The following PLAGL1 variants were observed in gnomAD, a reference collection of about 807,000 sequenced individuals.
PLAGL1 encodes the protein PLAG1 like zinc finger 1.
Under a neutral mutation model 4.6 loss-of-function variants are expected in PLAGL1, and 1 was observed. The observed-to-expected ratio is 0.22, with a 90% CI of 0.08 to 1.03. PLAGL1 has a LOEUF of 1.03. Among genes scored for constraint, PLAGL1 ranks in the 50% least tolerant of loss-of-function variants. PLAGL1 has a pLI of 0.58. For missense variants in PLAGL1, 464 were observed against 570.4 expected (o/e 0.81, Z 1.90); for synonymous variants, 240 against 237.8 (o/e 1.01, Z -0.08).
rs1466545016 is a variant in PLAGL1, at chr6:144,005,026, T to C, written c.-584+3064A>G. 1 of 150,458 alleles carries C rather than the reference T, an allele frequency of 6.6e-6. No individual in the cohort carries two copies. 9.3% of individuals were successfully genotyped at this position (150,458 alleles called of 1,614,324 possible). On this transcript the variant is annotated intron_variant, in intron 1 of 7. Coordinates refer to ENST00000674357, the MANE Select transcript of PLAGL1 (RefSeq NM_001317162.2). The surrounding 1 kb of genome is among the most constrained non-coding windows in gnomAD (Gnocchi z 4.6). Reference sequence around the variant, plus strand: ...ATATAATCTATATATAAAGTGTATGTGTATATATTATATATATACACACAC... The same window carrying C: ...ATATAATCTATATATAAAGTGTATGCGTATATATTATATATATACACACAC...
At position 143,959,726 on chromosome 6, in the gene PLAGL1, C is replaced by A. The variant is rs1339392412; in HGVS notation, c.-325+743G>T. ...CAGAGGATTTAAGTTTACTGCCCAT[C>A]AGCATGGACTAATGACATACTGCAA... On this transcript the variant is annotated intron_variant, in intron 6 of 7. Transcript: ENST00000674357. The surrounding 1 kb of genome is among the most constrained non-coding windows in gnomAD (Gnocchi z 5.3). Among the ~76,000 whole-genome samples, 1 of 152,218 alleles carries A rather than the reference C, an allele frequency of 6.6e-6. No homozygotes were observed. The highest frequency in any genetic ancestry group is 2.4e-5 in the African/African-American group (1 of 41,456).
In PLAGL1 at chr6:143,989,631, A is replaced by C. The variant is rs1322696494; in HGVS notation, c.-583-4457T>G. On this transcript the variant is annotated intron_variant, in intron 1 of 7. Coordinates refer to ENST00000674357, the MANE Select transcript of PLAGL1 (RefSeq NM_001317162.2). This position sits in a 1 kb window ranked among gnomAD's most constrained non-coding sequence, Gnocchi z 4.8. Reference sequence around the variant, plus strand: ...TTTCCCGAGTCTCCAGCTTGCAGACAGTTGACTGTGGGATTTCTCAGCCTT... The same window carrying C: ...TTTCCCGAGTCTCCAGCTTGCAGACCGTTGACTGTGGGATTTCTCAGCCTT... Among the ~76,000 whole-genome samples, 2 of 152,212 alleles carry C rather than the reference A, an allele frequency of 1.3e-5. No homozygotes were observed. The highest frequency in any genetic ancestry group is 2.9e-5 in the Non-Finnish European group (2 of 68,038).
chr6:144,029,244 G>A (rs893997896), intron 1 of PLAGL1, among the ~76,000 whole-genome samples: 1 of 152,054 alleles, frequency 6.6e-6, no homozygotes. Context: ...TGGTAAGGAA[G>A]GCATTTCCAA....
At chr6:144,028,620 C>T (rs938409248) in intron 1 of PLAGL1, among the ~76,000 whole-genome samples, 4 of 152,134 alleles carry the variant, frequency 2.6e-5, no homozygotes, top group African/African-American at 9.7e-5. Context: ...GAGTACATTC[C>T]CTGCAATCCT....
rs1791415258 is a variant in PLAGL1 at position 143,995,419 on chromosome 6, G to A, written c.-583-10245C>T. Among the ~76,000 whole-genome samples, 1 of 152,098 alleles carries A rather than the reference G, an allele frequency of 6.6e-6. No individual in the cohort carries two copies. Among genetic ancestry groups the A allele is most frequent in the African/African-American group, 2.4e-5 (1 of 41,416 alleles). ...GCTTTGCTTTGGAAAGGGGATAAAT[G>A]TTAAACTAATTTGAGGAATAAGTTA... On this transcript the variant is annotated intron_variant, in intron 1 of 7. Coordinates refer to ENST00000674357, the MANE Select transcript of PLAGL1 (RefSeq NM_001317162.2). The surrounding 1 kb of genome is among the most constrained non-coding windows in gnomAD (Gnocchi z 4.4).
At chr6:143,999,286 A>G (rs1336730289) in intron 1 of PLAGL1, among the ~76,000 whole-genome samples, 1 of 152,132 alleles carries the variant, frequency 6.6e-6, no homozygotes. Context: ...ATCCTAATTG[A>G]CCCCTAAGTT....
upstream of PLAGL1, among the ~76,000 whole-genome samples, chr6:144,010,734 ATGGTACTG>A (rs1261998896): frequency 1.3e-5 from 2 of 152,228 alleles, no homozygotes; most frequent in Non-Finnish European, 2.9e-5. The surrounding 1 kb of genome is among the most constrained non-coding windows in gnomAD (Gnocchi z 4.1). Flanking sequence ...CCAAAACTGC[ATGGTACTG>A]GTACCAAAAC....
intron 1 of PLAGL1, among the ~76,000 whole-genome samples, chr6:144,060,982 C>T (rs1799347066): frequency 6.6e-6 from 1 of 152,218 alleles, no homozygotes; most frequent in South Asian, 2.1e-4. Flanking sequence ...CCATATATGA[C>T]TTCCTTATAG....
chr6:144,026,361 G>A (rs1319564050), intron 1 of PLAGL1, among the ~76,000 whole-genome samples: 1 of 152,098 alleles, frequency 6.6e-6, no homozygotes, highest in African/African-American at 2.4e-5. Flanking sequence ...AAATAGAACT[G>A]TTTTCTATGG....
rs1359188324 is a variant in PLAGL1, at chr6:143,979,830, T to TA, written c.-544+5304dup. 2.0e-5 allele frequency among the ~76,000 whole-genome samples: 3 copies of TA among 151,498 alleles called. No individual in the cohort carries two copies. The highest frequency in any genetic ancestry group is 4.4e-5 in the Non-Finnish European group (3 of 67,720). ...TCAACTGACAATAAATGTGAGAGTT[T>TA]AAAAAAAAAGATTTCCTTTAGTATT... is the stretch of plus-strand genomic sequence containing the variant. On this transcript the variant is annotated intron_variant, in intron 2 of 7. Coordinates refer to ENST00000674357, the MANE Select transcript of PLAGL1 (RefSeq NM_001317162.2). This position sits in a 1 kb window ranked among gnomAD's most constrained non-coding sequence, Gnocchi z 4.6.
chr6:143,957,104 T>C lies in PLAGL1; in HGVS notation c.-325+3365A>G, dbSNP rs1455314593. ...CAGACTCTTGGATCTTTGACAGGCC[T>C]CCTCACCTCTCCCCACCATATGCAT... On this transcript the variant is annotated intron_variant, in intron 6 of 7. Transcript: ENST00000674357. The surrounding 1 kb of genome is among the most constrained non-coding windows in gnomAD (Gnocchi z 4.2). 6.6e-6 allele frequency among the ~76,000 whole-genome samples: 1 copy of C among 152,226 alleles called. No homozygotes were observed. The highest frequency in any genetic ancestry group is 1.5e-5 in the Non-Finnish European group (1 of 68,036).
intron 1 of PLAGL1, chr6:144,037,023 C>T (rs1211519433): frequency 6.2e-6 from 1 of 162,468 alleles, no homozygotes; most frequent in Non-Finnish European, 1.3e-5. Context: ...GCACAGTCTG[C>T]TTGCCTCTTG....
chr6:144,007,782 T>C (rs1794588756), intron 1 of PLAGL1: 1 of 152,228 alleles, frequency 6.6e-6, no homozygotes, highest in Non-Finnish European at 1.5e-5. Context: ...TCCTGGCCCG[T>C]TGGCGAGGTT....
chr6:144,020,097 C>T (rs1795860515), intron 1 of PLAGL1, among the ~76,000 whole-genome samples: 1 of 152,100 alleles, frequency 6.6e-6, no homozygotes, highest in Non-Finnish European at 1.5e-5. Flanking sequence ...GAGCTCACTT[C>T]CTCCTTCTCT....
At chr6:144,026,282 G>A (rs752195564) in intron 1 of PLAGL1, among the ~76,000 whole-genome samples, 1 of 152,104 alleles carries the variant, frequency 6.6e-6, no homozygotes, top group Non-Finnish European at 1.5e-5. Context: ...TGGCCTCAAG[G>A]AGCTTCGGTT....
At position 144,062,099 on chromosome 6, in the gene PLAGL1, C is replaced by T. The variant is rs192828113; in HGVS notation, c.-151+2369G>A. Among the ~76,000 whole-genome samples the T allele has an allele frequency of 4.6e-5, 7 of 152,114 alleles. No individual in the cohort carries two copies. The East Asian group carries it at 1.2e-3, about 25-fold the overall frequency. On this transcript the variant is annotated intron_variant, in intron 1 of 3. Coordinates refer to the PLAGL1 transcript ENST00000437412. ...AACTTAAAAAACAGACATCATGGGC[C>T]GGGCACGGTGGCTCATGCCTATAAT...
Position 144,036,715 on chromosome 6 carries a change from A to G in PLAGL1, c.-151+27753T>C, listed in dbSNP as rs1023776261. ...GACGAAAGAAAGAGGAAAGAATGGAAAAAGTGAAACTACAGAACAGAAATT... is the reference window on the plus strand; with the variant it reads ...GACGAAAGAAAGAGGAAAGAATGGAGAAAGTGAAACTACAGAACAGAAATT... On this transcript the variant is annotated intron_variant, in intron 1 of 3. Coordinates refer to the PLAGL1 transcript ENST00000437412. The surrounding 1 kb of genome is among the most constrained non-coding windows in gnomAD (Gnocchi z 5.1). The G allele has an allele frequency of 3.9e-5, 11 of 283,210 alleles. No homozygotes were observed. Among genetic ancestry groups the G allele is most frequent in the African/African-American group, 2.5e-4 (11 of 43,458 alleles). 17.5% of individuals were successfully genotyped at this position (283,210 alleles called of 1,614,324 possible).
At chr6:143,998,360 G>C (rs180726049) in intron 1 of PLAGL1, among the ~76,000 whole-genome samples, 3 of 152,324 alleles carry the variant, frequency 2.0e-5, no homozygotes, top group East Asian at 1.9e-4. Context: ...CACAAGGGCA[G>C]TATGGCATAG....
In PLAGL1 at chr6:143,972,193, C is replaced by T. The variant is rs943633850; in HGVS notation, c.-543-3215G>A. Reference sequence around the variant, plus strand: ...GCCATCAATCCCCATTCATTCAGCTCGCATTTACCGAGCCAAGAGCTCTGC... The same window carrying T: ...GCCATCAATCCCCATTCATTCAGCTTGCATTTACCGAGCCAAGAGCTCTGC... On this transcript the variant is annotated intron_variant, in intron 2 of 7. Coordinates refer to ENST00000674357, the MANE Select transcript of PLAGL1 (RefSeq NM_001317162.2). This position sits in a 1 kb window ranked among gnomAD's most constrained non-coding sequence, Gnocchi z 6.8. 6.6e-6 allele frequency among the ~76,000 whole-genome samples: 1 copy of T among 152,220 alleles called. No homozygotes were observed. The highest frequency in any genetic ancestry group is 2.1e-4 in the South Asian group (1 of 4,828).
Sources: allele counts gnomAD v4.1 joint callset (sites outside exome capture counted in the v4.1 genomes callset), GRCh38; gene constraint gnomAD v4.1.1; non-coding constraint Gnocchi (gnomAD v3.1); transcripts MANE v1.5; gene names NCBI Gene and HGNC (gene_info 2026-07-23, HGNC 2026-07-21).